The following ALDH1A2 variants were observed in gnomAD, a reference collection of about 807,000 sequenced individuals.
The protein encoded by ALDH1A2 is aldehyde dehydrogenase 1 family member A2, also known as retinal dehydrogenase 2.
In ALDH1A2, 27 loss-of-function variants were observed where a neutral mutation model predicts 60.3. That is an observed-to-expected ratio of 0.45 (90% CI 0.33 to 0.62). The LOEUF is 0.62. Among genes scored for constraint, ALDH1A2 ranks in the 20% least tolerant of loss-of-function variants. The probability of loss-of-function intolerance (pLI) is 0.02; values close to 1 mark genes in which losing one functional copy is unlikely to be tolerated. For synonymous variants in ALDH1A2, 289 were observed against 232.4 expected (o/e 1.24, Z -2.21); for missense variants, 581 against 643.8 (o/e 0.90, Z 1.06).
chr15:58,025,534 A>G (rs925082516), intron 1 of ALDH1A2, among the ~76,000 whole-genome samples: 1 of 152,226 alleles, frequency 6.6e-6, no homozygotes, highest in Admixed American at 6.5e-5. Context: ...GTTCTCAATA[A>G]AGAAAAGCCC....
In ALDH1A2 at chr15:58,050,668, TTA is replaced by T. The variant is rs1205508775; in HGVS notation, c.117+14864_117+14865del. On this transcript the variant is annotated intron_variant, in intron 1 of 12. Transcript: ENST00000249750. ...ATCAACCGGAATATTAATTTCCAGT[TTA>T]TAAACAGATAAAGTGATAATTCAAC... is the stretch of plus-strand genomic sequence containing the variant. 1.3e-3 allele frequency among the ~76,000 whole-genome samples: 193 copies of T among 152,266 alleles called. 2 individuals are homozygous for T. The highest frequency in any genetic ancestry group is 4.6e-3 in the African/African-American group (190 of 41,562).
chr15:57,980,923 C>G lies in ALDH1A2; in HGVS notation c.798+11782G>C, dbSNP rs565097500. Among the ~76,000 whole-genome samples the G allele has an allele frequency of 2.0e-5, 3 of 152,168 alleles. No homozygotes were observed. In the South Asian group the frequency reaches 6.2e-4, roughly 32 times the overall value. ...TGAATCCGTCTGGTCCTGGGCTTTT[C>G]TTTTTGGTGGGTAGGCTATTAATTA... On this transcript the variant is annotated intron_variant, in intron 7 of 12. Transcript: ENST00000249750.
chr15:57,955,459 T>C (rs541328283), intron 12 of ALDH1A2, among the ~76,000 whole-genome samples, 190 bp from the exon 13 acceptor site: 23 of 149,946 alleles, frequency 1.5e-4, no homozygotes, highest in Admixed American at 1.3e-3. Flanking sequence ...ATCTCATGAG[T>C]AGTTTTTAAA....
At chr15:58,062,214 G>C (rs1254525653) in intron 1 of ALDH1A2, among the ~76,000 whole-genome samples, 1 of 146,554 alleles carries the variant, frequency 6.8e-6, no homozygotes. Flanking sequence ...ATCAGATGCA[G>C]AAAAAAAAAA....
At chr15:57,985,665 C>T (rs74017094) in intron 7 of ALDH1A2, among the ~76,000 whole-genome samples, 1 of 152,120 alleles carries the variant, frequency 6.6e-6, no homozygotes, top group Admixed American at 6.6e-5. Context: ...GTCTTTCCTC[C>T]TTCATGTAGC....
chr15:57,961,484 CTCCCCAACT>C lies in ALDH1A2; in HGVS notation c.1252-199_1252-191del, dbSNP rs879042344. Among the ~76,000 whole-genome samples, 8 of 152,232 alleles carry C rather than the reference CTCCCCAACT, an allele frequency of 5.3e-5. No individual in the cohort carries two copies. In the South Asian group the frequency reaches 1.7e-3, roughly 32 times the overall value. On this transcript the variant is annotated intron_variant, in intron 10 of 12. Coordinates refer to ENST00000249750, the MANE Select transcript of ALDH1A2 (RefSeq NM_003888.4). ...GAAGAGTCTGACATTAGTGTTTAAC[CTCCCCAACT>C]TCCCCAACCTCTCCAGCATCACTTG...
At chr15:58,030,978 T>A (rs1896222968) in intron 1 of ALDH1A2, among the ~76,000 whole-genome samples, 1 of 152,116 alleles carries the variant, frequency 6.6e-6, no homozygotes, top group African/African-American at 2.4e-5. Context: ...ATAGATTCAA[T>A]GCCATCCCCA....
In ALDH1A2 at chr15:57,998,415, G is replaced by A. The variant is rs190891671; in HGVS notation, c.494-3276C>T. On this transcript the variant is annotated intron_variant, in intron 4 of 12. Transcript: ENST00000249750. ...ATTCCTATACACCAACAATAGACAAGCAGAGAGCTAAATCATGAATAAACT... is the reference window on the plus strand; with the variant it reads ...ATTCCTATACACCAACAATAGACAAACAGAGAGCTAAATCATGAATAAACT... 2.8e-3 allele frequency among the ~76,000 whole-genome samples: 420 copies of A among 151,876 alleles called. 4 individuals carry two copies. The highest frequency in any genetic ancestry group is 9.7e-3 in the African/African-American group (403 of 41,486).
chr15:58,058,013 A>G, intron 1 of ALDH1A2: 1 of 1,480,488 alleles, frequency 6.8e-7, no homozygotes, highest in Non-Finnish European at 9.0e-7. Flanking sequence ...AGAATTCACC[A>G]GTTTCAGTTT....
rs115725979 is a variant in ALDH1A2, at chr15:58,007,234, A to G, written c.493+3415T>C. 6.3e-3 allele frequency among the ~76,000 whole-genome samples: 954 copies of G among 152,148 alleles called. 15 individuals carry two copies. Among genetic ancestry groups the G allele is most frequent in the African/African-American group, 0.021 (873 of 41,540 alleles). Reference sequence around the variant, plus strand: ...AGGAACCTAATCTTTTATTTCCCCTAGGAGCAATAGTTCCATATTTGCTAA... The same window carrying G: ...AGGAACCTAATCTTTTATTTCCCCTGGGAGCAATAGTTCCATATTTGCTAA... On this transcript the variant is annotated intron_variant, in intron 4 of 12. Coordinates refer to ENST00000249750, the MANE Select transcript of ALDH1A2 (RefSeq NM_003888.4).
At chr15:58,011,332 T>A (rs1288864269) in intron 3 of ALDH1A2, among the ~76,000 whole-genome samples, 1 of 152,222 alleles carries the variant, frequency 6.6e-6, no homozygotes, top group Non-Finnish European at 1.5e-5. Context: ...GGCTGGTTTT[T>A]TGTAAACATT....
At chr15:57,956,606 T>C (rs1484383718) in intron 12 of ALDH1A2, among the ~76,000 whole-genome samples, 1 of 152,122 alleles carries the variant, frequency 6.6e-6, no homozygotes, top group Non-Finnish European at 1.5e-5. Context: ...CTTAAAGCAA[T>C]GAGAGAAACC....
chr15:57,995,027 G>A, intron 5 of ALDH1A2, 51 bp downstream of exon 5: 1 of 1,521,472 alleles, frequency 6.6e-7, no homozygotes, highest in Non-Finnish European at 9.1e-7. Flanking sequence ...GTGTCTTTAA[G>A]AGAACTGGGT....
intron 1 of ALDH1A2, among the ~76,000 whole-genome samples, chr15:58,059,698 T>C (rs1896973878): frequency 6.6e-6 from 1 of 152,162 alleles, no homozygotes; most frequent in African/African-American, 2.4e-5. Context: ...AATTTTATTA[T>C]TAAAATACTG....
chr15:58,028,342 G>C (rs1245994994), intron 1 of ALDH1A2, among the ~76,000 whole-genome samples: 5 of 152,102 alleles, frequency 3.3e-5, no homozygotes, highest in African/African-American at 1.2e-4. Flanking sequence ...TCACAAACAA[G>C]CAAATGCTGA....
At chr15:58,003,548 A>C (rs1895346515) in intron 4 of ALDH1A2, among the ~76,000 whole-genome samples, 1 of 151,898 alleles carries the variant, frequency 6.6e-6, no homozygotes, top group Non-Finnish European at 1.5e-5. Context: ...TAATATCAGA[A>C]TTCAGCTTAA....
At chr15:58,011,805 A>G (rs550723415) in intron 3 of ALDH1A2, among the ~76,000 whole-genome samples, 68 of 152,342 alleles carry the variant, frequency 4.5e-4, no homozygotes, top group African/African-American at 1.6e-3. Flanking sequence ...ACTATTTCCT[A>G]GTACTTTTTA....
chr15:58,052,139 T>C (rs1004533440), intron 1 of ALDH1A2, among the ~76,000 whole-genome samples: 8 of 152,134 alleles, frequency 5.3e-5, no homozygotes, highest in East Asian at 1.9e-4. Flanking sequence ...ATAACGAGAA[T>C]CATTAACAGG....
At position 57,961,233 on chromosome 15, in the gene ALDH1A2, G is replaced by C; in HGVS notation, c.1313C>G (p.Ala438Gly). 6.2e-7 allele frequency: 1 copy of C among 1,613,986 alleles called. No individual in the cohort carries two copies. The highest frequency in any genetic ancestry group is 8.5e-7 in the Non-Finnish European group (1 of 1,179,924). Residue 438 changes from alanine to glycine, a missense_variant, in exon 11 of 13, where the codon GCC becomes GGC. Transcript: ENST00000249750. ...FKTMDEVIER[A>G]NNSDFGLVAA... Reference sequence around the variant, plus strand: ...TACGAGTCCAAAGTCTGAGTTATTGGCTCTTTCGATAACTTCATCCATCGT... The same window carrying C: ...TACGAGTCCAAAGTCTGAGTTATTGCCTCTTTCGATAACTTCATCCATCGT...
Sources: allele counts gnomAD v4.1 joint callset (sites outside exome capture counted in the v4.1 genomes callset), GRCh38; gene constraint gnomAD v4.1.1; transcripts MANE v1.5; gene names NCBI Gene and HGNC (gene_info 2026-07-23, HGNC 2026-07-21).